ZMIZ1: variants seen among roughly 807,000 people sequenced by gnomAD.
ZMIZ1 encodes zinc finger MIZ-type containing 1, also known as zinc finger MIZ domain-containing protein 1.
In ZMIZ1, 17 loss-of-function variants were observed where a neutral mutation model predicts 113.9. That is an observed-to-expected ratio of 0.15 (90% CI 0.10 to 0.22). The LOEUF (loss-of-function observed/expected upper bound fraction) is 0.22, where lower values mean the gene tolerates loss of function less well. Among genes scored for constraint, ZMIZ1 ranks in the 10% least tolerant of loss-of-function variants. The pLI is 1.00. For synonymous variants in ZMIZ1, 607 were observed against 603.1 expected, an observed-to-expected ratio of 1.01 and a Z score of -0.09; for missense variants, 1,059 against 1,477.8, an observed-to-expected ratio of 0.72 and a Z score of 4.65.
intron 1 of ZMIZ1, among the ~76,000 whole-genome samples, chr10:79,101,774 C>T (rs1001769457): frequency 2.0e-5 from 3 of 152,164 alleles, no homozygotes; most frequent in East Asian, 1.9e-4. Flanking sequence ...AGCCGTGGGG[C>T]CTCAGGGGCT....
chr10:79,276,474 T>C (rs1042554346), intron 7 of ZMIZ1, among the ~76,000 whole-genome samples: 6 of 152,200 alleles, frequency 3.9e-5, no homozygotes, highest in Non-Finnish European at 5.9e-5. Context: ...TGCTCCTGCC[T>C]TGGGCACCCC....
intron 1 of ZMIZ1, among the ~76,000 whole-genome samples, chr10:79,102,060 T>G (rs937611919): frequency 6.6e-6 from 1 of 152,168 alleles, no homozygotes; most frequent in African/African-American, 2.4e-5. Context: ...TGGCTCCTGC[T>G]CTCAAGGAGG....
At chr10:79,263,351 AC>A (rs1364440391) in intron 7 of ZMIZ1, among the ~76,000 whole-genome samples, 3 of 152,184 alleles carry the variant, frequency 2.0e-5, no homozygotes, top group Non-Finnish European at 4.4e-5. Context: ...TCAGTCAGGC[AC>A]TGTAAGCAGG....
At chr10:79,198,342 G>A (rs1407541121) in intron 4 of ZMIZ1, among the ~76,000 whole-genome samples, 2 of 152,208 alleles carry the variant, frequency 1.3e-5, no homozygotes, top group Non-Finnish European at 2.9e-5. Flanking sequence ...TTGAGTGGAT[G>A]AGTAGACAGG....
At chr10:79,175,495 A>C (rs1846792791) in intron 4 of ZMIZ1, among the ~76,000 whole-genome samples, 2 of 149,942 alleles carry the variant, frequency 1.3e-5, no homozygotes. Flanking sequence ...CCCTTCCTGC[A>C]GGAGGCCTCC....
intron 1 of ZMIZ1, among the ~76,000 whole-genome samples, chr10:79,072,090 TA>T: frequency 6.6e-6 from 1 of 151,646 alleles, no homozygotes; most frequent in South Asian, 2.1e-4. Flanking sequence ...GACTTATGAA[TA>T]AATAGCCTTG....
intron 7 of ZMIZ1, among the ~76,000 whole-genome samples, chr10:79,229,498 G>A (rs1412150049): frequency 1.3e-5 from 2 of 152,208 alleles, no homozygotes; most frequent in Admixed American, 1.3e-4. Flanking sequence ...AGAGGACCCA[G>A]TCTCACCTGT....
intron 3 of ZMIZ1, among the ~76,000 whole-genome samples, chr10:79,154,607 G>T (rs1845831042): frequency 6.6e-6 from 1 of 152,238 alleles, no homozygotes; most frequent in African/African-American, 2.4e-5. Flanking sequence ...AAAAGGGATG[G>T]CTGTGCCCAC....
In ZMIZ1 at chr10:79,298,590, C is replaced by T; in HGVS notation, c.1666+10C>T. On this transcript the variant is annotated intron_variant, in intron 15 of 24. Transcript: ENST00000334512. Reference sequence around the variant, plus strand: ...CTGCCACCACCCCCAGGTGAGGGCCCTCCCTCCCTCTCTTGGCAGCTCCAC... The same window carrying T: ...CTGCCACCACCCCCAGGTGAGGGCCTTCCCTCCCTCTCTTGGCAGCTCCAC... 1 of 1,587,598 alleles carries T rather than the reference C, an allele frequency of 6.3e-7. No homozygotes were observed. Among genetic ancestry groups the T allele is most frequent in the Non-Finnish European group, 8.5e-7 (1 of 1,170,728 alleles).
chr10:79,095,345 G>A (rs191814972), intron 1 of ZMIZ1, among the ~76,000 whole-genome samples: 13 of 152,294 alleles, frequency 8.5e-5, no homozygotes, highest in African/African-American at 3.1e-4. Flanking sequence ...ATATTTTCCT[G>A]ATTTAATTTC....
At chr10:79,301,129 C>T (rs995668474) in intron 17 of ZMIZ1, among the ~76,000 whole-genome samples, 187 bp downstream of exon 17, 6 of 152,170 alleles carry the variant, frequency 3.9e-5, no homozygotes, top group Admixed American at 2.6e-4. Context: ...ACCTTCAAAC[C>T]GTTGGGCCTT....
intron 3 of ZMIZ1, among the ~76,000 whole-genome samples, chr10:79,155,869 G>A (rs1845885425): frequency 6.6e-6 from 1 of 152,258 alleles, no homozygotes; most frequent in South Asian, 2.1e-4. Flanking sequence ...CTGAAAGACT[G>A]CCCGAGGGAC....
At chr10:79,144,344 A>G (rs904386320) in intron 3 of ZMIZ1, among the ~76,000 whole-genome samples, 2 of 152,160 alleles carry the variant, frequency 1.3e-5, no homozygotes, top group Admixed American at 1.3e-4. Context: ...ATAATCCTCT[A>G]CTATCTCCCA....
At chr10:79,138,220 A>G (rs1845099434) in intron 2 of ZMIZ1, among the ~76,000 whole-genome samples, 1 of 152,206 alleles carries the variant, frequency 6.6e-6, no homozygotes. Context: ...AGAGGCCCAG[A>G]GGCAGTGCAA....
chr10:79,101,150 AGCATACAGTTGAAGCTCTTT>A (rs1288896282), intron 1 of ZMIZ1, among the ~76,000 whole-genome samples: 1 of 152,180 alleles, frequency 6.6e-6, no homozygotes, highest in Admixed American at 6.5e-5. Flanking sequence ...TGAGTAATTC[AGCATACAGTTGAAGCTCTTT>A]GCAGTAGGTG....
chr10:79,291,207 T>C (rs1255561371), intron 10 of ZMIZ1, 31 bp downstream of exon 10: 2 of 1,568,392 alleles, frequency 1.3e-6, no homozygotes, highest in Admixed American at 1.8e-5. Flanking sequence ...GCAGAAGCCA[T>C]GGACGCCACC....
chr10:79,104,510 G>A (rs1005805110), intron 1 of ZMIZ1, among the ~76,000 whole-genome samples: 4 of 152,230 alleles, frequency 2.6e-5, no homozygotes, highest in Admixed American at 6.5e-5. Context: ...ACGTCACTGA[G>A]CTTGCAGGGG....
At chr10:79,174,885 C>T (rs547514136) in intron 4 of ZMIZ1, among the ~76,000 whole-genome samples, 1 of 152,338 alleles carries the variant, frequency 6.6e-6, no homozygotes, top group East Asian at 1.9e-4. Context: ...GAAGCCCAGG[C>T]CATTGCAGAG....
At chr10:79,308,072 C>T (rs1047506857) in intron 23 of ZMIZ1, among the ~76,000 whole-genome samples, 1 of 152,214 alleles carries the variant, frequency 6.6e-6, no homozygotes, top group Non-Finnish European at 1.5e-5. Context: ...TCACACTTAT[C>T]GACATATGCC....
Sources: allele counts gnomAD v4.1 joint callset (sites outside exome capture counted in the v4.1 genomes callset), GRCh38; gene constraint gnomAD v4.1.1; transcripts MANE v1.5; gene names NCBI Gene and HGNC (gene_info 2026-07-23, HGNC 2026-07-21).